The following FSTL5 variants were observed in gnomAD, a reference collection of about 807,000 sequenced individuals.
FSTL5 encodes the protein follistatin-related protein 5.
Under a neutral mutation model 89.1 loss-of-function variants are expected in FSTL5, and 62 were observed. The observed-to-expected ratio is 0.70, with a 90% CI of 0.57 to 0.86. FSTL5 has a LOEUF of 0.86. FSTL5 is among the 40% of genes least tolerant of loss of function. The pLI is 0.00. For missense variants in FSTL5, 1,057 were observed against 1,001.6 expected (o/e 1.06, Z -0.75); for synonymous variants, 383 against 346.2 (o/e 1.11, Z -1.18).
At chr4:161,934,347 T>C (rs988994085) in intron 3 of FSTL5, among the ~76,000 whole-genome samples, 1 of 152,080 alleles carries the variant, frequency 6.6e-6, no homozygotes. Flanking sequence ...CATCGCTGTA[T>C]ATAAAATCAT....
chr4:161,919,879 A>G (rs1014756051), intron 4 of FSTL5, among the ~76,000 whole-genome samples: 1 of 152,224 alleles, frequency 6.6e-6, no homozygotes, highest in Admixed American at 6.5e-5. Context: ...CTTTAAAAAA[A>G]ATTTAACTAT....
intron 4 of FSTL5, among the ~76,000 whole-genome samples, chr4:161,871,898 A>T (rs1732273704): frequency 6.6e-6 from 1 of 152,154 alleles, no homozygotes; most frequent in Non-Finnish European, 1.5e-5. Context: ...CTATCACTGT[A>T]TTCTTGGAAA....
In FSTL5 at chr4:161,453,058, A is replaced by C. The variant is rs1733228218; in HGVS notation, c.1841+1946T>G. On this transcript the variant is annotated intron_variant, in intron 15 of 15. Coordinates refer to ENST00000306100, the MANE Select transcript of FSTL5 (RefSeq NM_020116.5). ...TTATATCTACAAACACAGAATTACAAATAGCACTTACTGCATGCCACCAAA... is the reference window on the plus strand; with the variant it reads ...TTATATCTACAAACACAGAATTACACATAGCACTTACTGCATGCCACCAAA... 2.0e-5 allele frequency among the ~76,000 whole-genome samples: 3 copies of C among 152,164 alleles called. No individual in the cohort carries two copies. The South Asian group carries it at 6.2e-4, about 32-fold the overall frequency.
chr4:161,567,964 A>T (rs1352920388), intron 8 of FSTL5, among the ~76,000 whole-genome samples: 1 of 152,026 alleles, frequency 6.6e-6, no homozygotes, highest in Non-Finnish European at 1.5e-5. Context: ...GATTGAGCAC[A>T]TGGAACTCAT....
At chr4:162,069,162 A>G (rs1189680716) in intron 2 of FSTL5, among the ~76,000 whole-genome samples, 1 of 152,048 alleles carries the variant, frequency 6.6e-6, no homozygotes, top group East Asian at 1.9e-4. Context: ...TAGAATCATT[A>G]GTCCTTTGAT....
At chr4:161,456,506 T>A (rs1733358687) in intron 14 of FSTL5, among the ~76,000 whole-genome samples, 1 of 152,236 alleles carries the variant, frequency 6.6e-6, no homozygotes, top group Non-Finnish European at 1.5e-5. Flanking sequence ...AATTTTCTGA[T>A]CCTTGAGAAC....
rs546325050 is a variant in FSTL5, at chr4:161,438,603, A to C, written c.1841+16401T>G. ...AAGTATTTATAAAATTCTAAAGAAC[A>C]CCCGAAATTATTTTCAGTTCTATAA... is the stretch of plus-strand genomic sequence containing the variant. On this transcript the variant is annotated intron_variant, in intron 15 of 15. Coordinates refer to ENST00000306100, the MANE Select transcript of FSTL5 (RefSeq NM_020116.5). Among the ~76,000 whole-genome samples the C allele has an allele frequency of 3.3e-5, 5 of 152,308 alleles. No homozygotes were observed. The South Asian group carries it at 1.0e-3, about 32-fold the overall frequency.
chr4:161,460,674 A>C (rs923742940), intron 13 of FSTL5, among the ~76,000 whole-genome samples: 3 of 152,224 alleles, frequency 2.0e-5, no homozygotes, highest in Admixed American at 2.0e-4. Flanking sequence ...TTGCCTATTT[A>C]ACATTCTCAG....
intron 4 of FSTL5, among the ~76,000 whole-genome samples, chr4:161,888,125 C>T (rs1158671248): frequency 6.6e-6 from 1 of 152,100 alleles, no homozygotes; most frequent in Admixed American, 6.6e-5. Flanking sequence ...TAATACATTT[C>T]CCAAACCCAT....
chr4:161,986,167 A>G (rs1346455403), intron 3 of FSTL5, among the ~76,000 whole-genome samples: 3 of 152,158 alleles, frequency 2.0e-5, no homozygotes, highest in East Asian at 1.9e-4. Context: ...TTTTGAGGGT[A>G]GGGAAAGGGG....
intron 6 of FSTL5, among the ~76,000 whole-genome samples, chr4:161,713,487 G>T (rs971709339): frequency 5.3e-5 from 8 of 152,118 alleles, no homozygotes; most frequent in African/African-American, 1.9e-4. Flanking sequence ...AACTTTCTAA[G>T]ACGGTAATGT....
At chr4:162,156,545 T>C (rs1232938005) in intron 1 of FSTL5, among the ~76,000 whole-genome samples, 15 of 152,154 alleles carry the variant, frequency 9.9e-5, no homozygotes, top group Admixed American at 8.5e-4. Flanking sequence ...ACATACACCA[T>C]GTAATACTAC....
At chr4:162,103,185 G>T (rs1300587293) in intron 2 of FSTL5, among the ~76,000 whole-genome samples, 1 of 152,122 alleles carries the variant, frequency 6.6e-6, no homozygotes. Context: ...GTTAAGCAAA[G>T]CAATTCAGTC....
At chr4:162,018,664 A>G (rs1736987175) in intron 3 of FSTL5, among the ~76,000 whole-genome samples, 1 of 144,518 alleles carries the variant, frequency 6.9e-6, no homozygotes, top group Non-Finnish European at 1.5e-5. Context: ...AAAAAAAAAA[A>G]TCAGTGCCAT....
chr4:162,159,765 T>A (rs559324964), intron 1 of FSTL5, among the ~76,000 whole-genome samples: 122 of 152,020 alleles, frequency 8.0e-4, no homozygotes, highest in Non-Finnish European at 1.4e-3. Context: ...TTTTAAATAA[T>A]TAATGTGGTG....
chr4:162,042,293 G>A (rs1737994753), intron 2 of FSTL5, among the ~76,000 whole-genome samples: 1 of 152,114 alleles, frequency 6.6e-6, no homozygotes, highest in Non-Finnish European at 1.5e-5. Flanking sequence ...TGTTGTTGTT[G>A]TTGTTTGCTT....
At chr4:161,451,952 A>T (rs1333559313) in intron 15 of FSTL5, among the ~76,000 whole-genome samples, 1 of 152,208 alleles carries the variant, frequency 6.6e-6, no homozygotes, top group Non-Finnish European at 1.5e-5. Flanking sequence ...TGAAGATATA[A>T]ATTATTTGAA....
chr4:161,569,756 CAA>C (rs60294923), intron 8 of FSTL5, among the ~76,000 whole-genome samples: 33 of 42,144 alleles, frequency 7.8e-4, no homozygotes, highest in African/African-American at 1.2e-3. Context: ...GTCCAACACA[CAA>C]ACACACACAC....
At chr4:161,477,424 TATTA>T (rs1012451762) in intron 13 of FSTL5, among the ~76,000 whole-genome samples, 19 of 150,170 alleles carry the variant, frequency 1.3e-4, no homozygotes, top group African/African-American at 3.9e-4. Context: ...TTATATAAAT[TATTA>T]ATTATTATAG....
Sources: allele counts gnomAD v4.1 joint callset (sites outside exome capture counted in the v4.1 genomes callset), GRCh38; gene constraint gnomAD v4.1.1; transcripts MANE v1.5; gene names NCBI Gene and HGNC (gene_info 2026-07-23, HGNC 2026-07-21).